The following PPP1R17 variants were observed in gnomAD, a reference collection of about 807,000 sequenced individuals.
PPP1R17 encodes G-substrate.
A neutral mutation model predicts 15.9 loss-of-function variants in PPP1R17; 12 were observed. That is an observed-to-expected ratio of 0.75 (90% CI 0.48 to 1.22). PPP1R17 has a LOEUF of 1.22. Ranked by LOEUF, PPP1R17 falls within the 50% of genes most tolerant of loss-of-function variation. The pLI is 0.00. For missense variants in PPP1R17, 211 were observed against 187.3 expected, an observed-to-expected ratio of 1.13 and a Z score of -0.74; for synonymous variants, 63 against 64.5, an observed-to-expected ratio of 0.98 and a Z score of 0.11.
chr7:31,692,215 G>C (rs997816821), intron 1 of PPP1R17, among the ~76,000 whole-genome samples, 191 bp from the exon 2 acceptor site: 9 of 152,132 alleles, frequency 5.9e-5, no homozygotes, highest in African/African-American at 1.9e-4. Context: ...AGGGTGGGAG[G>C]GTTCATTTTA....
chr7:31,704,585 G>A (rs1368165716), intron 4 of PPP1R17, among the ~76,000 whole-genome samples: 4 of 152,222 alleles, frequency 2.6e-5, no homozygotes, highest in African/African-American at 4.8e-5. Context: ...GGAGAAGGAT[G>A]TATTGTCCAG....
chr7:31,689,411 C>T (rs1443307169), intron 1 of PPP1R17, among the ~76,000 whole-genome samples: 1 of 152,100 alleles, frequency 6.6e-6, no homozygotes, highest in East Asian at 1.9e-4. Context: ...TTAGAAAGTT[C>T]CCAAGTTACA....
rs1233682664 is a variant in PPP1R17, at chr7:31,696,954, T to C, written c.236-11T>C. On this transcript the variant is annotated splice_polypyrimidine_tract_variant and intron_variant, in intron 3 of 4. Transcript: ENST00000342032. Reference sequence around the variant, plus strand: ...GATCCTGTTTCTCTCTGTGTTCCCCTAACCATGCAGGTGTGTTTTCAGAAC... The same window carrying C: ...GATCCTGTTTCTCTCTGTGTTCCCCCAACCATGCAGGTGTGTTTTCAGAAC... 1 of 1,613,536 alleles carries C rather than the reference T, an allele frequency of 6.2e-7. No homozygotes were observed. The highest frequency in any genetic ancestry group is 1.1e-5 in the South Asian group (1 of 90,960).
chr7:31,693,221 A>G (rs1792432211), intron 2 of PPP1R17, among the ~76,000 whole-genome samples: 1 of 152,176 alleles, frequency 6.6e-6, no homozygotes, highest in Non-Finnish European at 1.5e-5. Flanking sequence ...CAATTGAAGT[A>G]AAAGTCAAAA....
At chr7:31,689,207 G>T (rs953423109) in intron 1 of PPP1R17, among the ~76,000 whole-genome samples, 1 of 152,164 alleles carries the variant, frequency 6.6e-6, no homozygotes, top group Non-Finnish European at 1.5e-5. Flanking sequence ...TTAGAATTCA[G>T]AGCCCACACT....
At chr7:31,705,273 G>T (rs527333454) in intron 4 of PPP1R17, among the ~76,000 whole-genome samples, 1 of 152,268 alleles carries the variant, frequency 6.6e-6, no homozygotes, top group Admixed American at 6.5e-5. Context: ...CCAGAAAGTT[G>T]ATCTGGATTT....
intron 3 of PPP1R17, chr7:31,695,854 A>G (rs1792557564): frequency 6.0e-6 from 2 of 334,448 alleles, no homozygotes; most frequent in Admixed American, 9.7e-5. Context: ...CAATAGTGAA[A>G]CCATGGGGTG....
chr7:31,695,320 G>A (rs1375935267), intron 2 of PPP1R17, 149 bp from the exon 3 acceptor site: 1 of 570,276 alleles, frequency 1.8e-6, no homozygotes, highest in Admixed American at 3.8e-5. Flanking sequence ...AAAGTCCTTT[G>A]TGGAATAGGC....
intron 1 of PPP1R17, among the ~76,000 whole-genome samples, chr7:31,687,606 G>C (rs17160409): frequency 0.02 from 3,110 of 152,288 alleles, 105 homozygotes; most frequent in African/African-American, 0.07. Context: ...CAAGGCTGGG[G>C]AAAGTACAGA....
At chr7:31,694,324 G>T (rs148799910) in intron 2 of PPP1R17, among the ~76,000 whole-genome samples, 1 of 150,132 alleles carries the variant, frequency 6.7e-6, no homozygotes. Context: ...GACATCTGAA[G>T]TATATCAACT....
rs1404295371 is a variant in PPP1R17 at position 31,698,281 on chromosome 7, AT to A, written c.388+1166del. Among the ~76,000 whole-genome samples, 3 of 152,370 alleles carry A rather than the reference AT, an allele frequency of 2.0e-5. No individual in the cohort carries two copies. The East Asian group carries it at 5.8e-4, about 29-fold the overall frequency. On this transcript the variant is annotated intron_variant, in intron 4 of 4. Coordinates refer to ENST00000342032, the MANE Select transcript of PPP1R17 (RefSeq NM_006658.5). ...TCAGGGGCTTAAGATCCCCAGCCAC[AT>A]TAGAGGCTCTGGTTCTATGCTCCAT...
intron 4 of PPP1R17, among the ~76,000 whole-genome samples, chr7:31,701,937 G>A (rs939359559): frequency 3.3e-5 from 5 of 152,182 alleles, no homozygotes; most frequent in Non-Finnish European, 5.9e-5. Flanking sequence ...AATTTGTATG[G>A]CTCTGTTTAT....
At position 31,692,519 on chromosome 7, in the gene PPP1R17, C is replaced by T; in HGVS notation, c.78C>T (p.His26=). The change falls in exon 2 of 5, where the codon CAC becomes CAT. Residue 26 remains histidine, a synonymous_variant. Coordinates refer to ENST00000342032, the MANE Select transcript of PPP1R17 (RefSeq NM_006658.5). ...ACAAGCTAGACCCTCGTTGCAGCCA[C>T]TTAGGTAAACAAATGATCGATTGTG... ...RLDKLDPRCS[H]LDDLSDQFIK... is the part of the protein sequence containing the mutation. 6.3e-7 allele frequency: 1 copy of T among 1,595,954 alleles called. No homozygotes were observed. The highest frequency in any genetic ancestry group is 1.3e-5 in the African/African-American group (1 of 74,526).
At chr7:31,697,201 CCGTTGTCCTGCCCCAGCAAGCTG>C (rs1389287030) in intron 4 of PPP1R17, 84 bp downstream of exon 4, 84 of 1,515,882 alleles carry the variant, frequency 5.5e-5, no homozygotes, top group East Asian at 1.2e-4. Flanking sequence ...CAGGGCCTGG[CCGTTGTCCTGCCCCAGCAAGCTG>C]CGTTGTCCTG....
intron 4 of PPP1R17, among the ~76,000 whole-genome samples, chr7:31,701,133 T>C (rs1792832158): frequency 1.3e-5 from 2 of 152,194 alleles, no homozygotes; most frequent in South Asian, 2.1e-4. Flanking sequence ...CTCTGATGGA[T>C]CTGGACAAAG....
chr7:31,688,645 C>G (rs1432573177), intron 1 of PPP1R17, among the ~76,000 whole-genome samples: 1 of 152,316 alleles, frequency 6.6e-6, no homozygotes. Flanking sequence ...TATTGCTGCT[C>G]TTAGTGGTAT....
In PPP1R17 at chr7:31,692,476, TCTCAGAAGACAGACTGGACAAGCTAGACC is replaced by T; in HGVS notation, c.39_67del (p.Glu14LeufsTer6). The T allele has an allele frequency of 1.9e-6, 3 of 1,612,142 alleles. No individual in the cohort carries two copies. The highest frequency in any genetic ancestry group is 8.5e-7 in the Non-Finnish European group (1 of 1,178,228). ...ACTGAGCAAATGCAGCCACTGGAAC[TCTCAGAAGACAGACTGGACAAGCTAGACC>T]CTCGTTGCAGCCACTTAGGTAAACA... On this transcript the variant is annotated frameshift_variant, in exon 2 of 5. Transcript: ENST00000342032. LOFTEE classifies it high-confidence loss of function.
intron 1 of PPP1R17, 26 bp from the exon 2 acceptor site, chr7:31,692,380 A>C: frequency 7.5e-7 from 1 of 1,328,620 alleles, no homozygotes; most frequent in Non-Finnish European, 1.1e-6. Context: ...AGCCATACTT[A>C]TTAACTGTTT....
At chr7:31,693,516 A>G (rs1321074288) in intron 2 of PPP1R17, among the ~76,000 whole-genome samples, 1 of 152,178 alleles carries the variant, frequency 6.6e-6, no homozygotes, top group African/African-American at 2.4e-5. Context: ...TCAGCTTTTT[A>G]CCTGGCTTTC....
Sources: gnomAD v4.1 joint callset for allele counts (sites outside exome capture counted in the v4.1 genomes callset) on GRCh38, gnomAD v4.1.1 for gene constraint, MANE v1.5 for transcripts, NCBI Gene and HGNC (gene_info 2026-07-23, HGNC 2026-07-21) for gene names.